The following DMRT1 variants were observed in gnomAD, a reference collection of about 807,000 sequenced individuals.
The protein encoded by DMRT1 is doublesex and mab-3 related transcription factor 1.
A neutral mutation model predicts 32.3 loss-of-function variants in DMRT1; 7 were observed. That is an observed-to-expected ratio of 0.22 (90% CI 0.12 to 0.41). The LOEUF (loss-of-function observed/expected upper bound fraction) is 0.41. Ranked by LOEUF, DMRT1 falls within the 10% of genes least tolerant of loss-of-function variation. DMRT1 has a pLI of 1.00. For missense variants in DMRT1, 625 were observed against 500.5 expected, an observed-to-expected ratio of 1.25 and a Z score of -2.37; for synonymous variants, 278 against 206.1, an observed-to-expected ratio of 1.35 and a Z score of -2.99.
intron 2 of DMRT1, among the ~76,000 whole-genome samples, chr9:851,093 G>C (rs1203780944): frequency 6.6e-6 from 1 of 151,516 alleles, no homozygotes. Context: ...TATGCAGTGA[G>C]AGGTGAAAGT....
At chr9:846,292 C>T (rs1838902050) in intron 1 of DMRT1, among the ~76,000 whole-genome samples, 1 of 152,124 alleles carries the variant, frequency 6.6e-6, no homozygotes, top group Non-Finnish European at 1.5e-5. Context: ...CTCTGCCTCC[C>T]AAAGTGCTGG....
At chr9:905,840 G>T (rs1488845317) in intron 3 of DMRT1, among the ~76,000 whole-genome samples, 2 of 152,156 alleles carry the variant, frequency 1.3e-5, no homozygotes, top group African/African-American at 4.8e-5. Flanking sequence ...TAGCTAGCTA[G>T]TACTGCACGG....
At chr9:877,521 G>C (rs1425703810) in intron 2 of DMRT1, among the ~76,000 whole-genome samples, 1 of 152,174 alleles carries the variant, frequency 6.6e-6, no homozygotes, top group Non-Finnish European at 1.5e-5. Flanking sequence ...TGTAGCACTA[G>C]ATGTCAATTC....
chr9:854,128 T>G (rs1481250563), intron 2 of DMRT1, among the ~76,000 whole-genome samples: 2 of 151,584 alleles, frequency 1.3e-5, no homozygotes, highest in African/African-American at 4.8e-5. Context: ...TTTTTTTAAT[T>G]TTTCAAGAGA....
chr9:947,687 G>A (rs550518769), intron 4 of DMRT1, among the ~76,000 whole-genome samples: 20 of 152,160 alleles, frequency 1.3e-4, no homozygotes, highest in African/African-American at 4.3e-4. Flanking sequence ...GCAGTGGCGC[G>A]ATCTCGGCTC....
chr9:905,221 T>C (rs1817726768), intron 3 of DMRT1, among the ~76,000 whole-genome samples: 1 of 152,202 alleles, frequency 6.6e-6, no homozygotes, highest in African/African-American at 2.4e-5. Flanking sequence ...CTCCTTGGTA[T>C]AGCATTGGCC....
intron 1 of DMRT1, 180 bp downstream of exon 1, chr9:842,372 C>T: frequency 1.3e-6 from 1 of 765,500 alleles, no homozygotes; most frequent in South Asian, 1.9e-5. Flanking sequence ...GTAGCTGGGA[C>T]TACAGGCGCA....
chr9:911,891 G>T lies in DMRT1; in HGVS notation c.823-4872G>T, dbSNP rs189401585. 6.6e-5 allele frequency among the ~76,000 whole-genome samples: 10 copies of T among 152,264 alleles called. No homozygotes were observed. The East Asian group carries it at 1.9e-3, about 29-fold the overall frequency. ...CTTATGAGCAAGTTGTCACGTGGAT[G>T]GGTTGTTTGTGGATTCTTTGAGGTG... On this transcript the variant is annotated intron_variant, in intron 3 of 4. Coordinates refer to ENST00000382276, the MANE Select transcript of DMRT1 (RefSeq NM_021951.3).
At chr9:930,556 C>G (rs942055290) in intron 4 of DMRT1, among the ~76,000 whole-genome samples, 1 of 151,954 alleles carries the variant, frequency 6.6e-6, no homozygotes, top group East Asian at 1.9e-4. Context: ...CTACAGGCGC[C>G]CGCCACCATG....
intron 4 of DMRT1, among the ~76,000 whole-genome samples, chr9:943,348 G>A (rs1193172386): frequency 6.6e-6 from 1 of 152,194 alleles, no homozygotes; most frequent in Non-Finnish European, 1.5e-5. Flanking sequence ...AGTAACAGGA[G>A]CCCTGGGGCA....
At chr9:872,744 T>C (rs529535841) in intron 2 of DMRT1, among the ~76,000 whole-genome samples, 2 of 152,366 alleles carry the variant, frequency 1.3e-5, no homozygotes, top group Admixed American at 1.3e-4. Flanking sequence ...ACATTTTATG[T>C]TCAAATTTTT....
intron 2 of DMRT1, among the ~76,000 whole-genome samples, chr9:862,126 A>G (rs7036702): frequency 0.35 from 44,795 of 127,504 alleles, 9,270 homozygotes; most frequent in Middle Eastern, 0.44. Context: ...CTGCAATCTC[A>G]GCACTTTGGG....
intron 2 of DMRT1, among the ~76,000 whole-genome samples, chr9:882,377 CTTG>C (rs996080004): frequency 3.3e-5 from 5 of 152,160 alleles, no homozygotes; most frequent in African/African-American, 9.7e-5. Flanking sequence ...CCTCGAAGCT[CTTG>C]TTGTGTGTCT....
At chr9:868,745 C>T (rs1318731022) in intron 2 of DMRT1, among the ~76,000 whole-genome samples, 1 of 152,186 alleles carries the variant, frequency 6.6e-6, no homozygotes, top group African/African-American at 2.4e-5. Flanking sequence ...CACGTTGGCT[C>T]ATGCCTATAA....
intron 2 of DMRT1, among the ~76,000 whole-genome samples, chr9:854,537 A>T (rs1236351597): frequency 1.3e-5 from 2 of 152,142 alleles, no homozygotes; most frequent in Non-Finnish European, 2.9e-5. Flanking sequence ...TAAAGAAGGA[A>T]ATACTTTATT....
rs1488334742 is a variant in DMRT1, at chr9:916,808, A to G, written c.868A>G (p.Met290Val). ...NRHAMSSQYR[M>V]HSYYPPPSYL... ...CCATGCAATGAGCTCCCAGTACAGG[A>G]TGCATTCTTACTACCCGCCTCCCTC... is the stretch of plus-strand genomic sequence containing the variant. Residue 290 changes from methionine to valine, a missense_variant, in exon 4 of 5, where the codon ATG becomes GTG. Physicochemically the swap from Met to Val is conservative, Grantham distance 21. This residue lies in a region of DMRT1 where 416 missense variants were observed against 321.6 expected (regional missense o/e 1.29). Transcript: ENST00000382276. 3 of 1,614,112 alleles carry G rather than the reference A, an allele frequency of 1.9e-6. No individual in the cohort carries two copies. Among genetic ancestry groups the G allele is most frequent in the East Asian group, 2.2e-5 (1 of 44,892 alleles).
At chr9:892,666 C>T (rs555602472) in intron 2 of DMRT1, among the ~76,000 whole-genome samples, 15 of 152,284 alleles carry the variant, frequency 9.9e-5, no homozygotes, top group African/African-American at 3.4e-4. Context: ...AAGCAGTTGC[C>T]CTTAGATAAA....
chr9:878,872 G>C (rs1434422626), intron 2 of DMRT1, among the ~76,000 whole-genome samples: 1 of 152,178 alleles, frequency 6.6e-6, no homozygotes, highest in Non-Finnish European at 1.5e-5. Context: ...GCTGGGACAT[G>C]CAAAACGTAT....
chr9:856,901 C>T (rs1485610896), intron 2 of DMRT1, among the ~76,000 whole-genome samples: 1 of 152,116 alleles, frequency 6.6e-6, no homozygotes, highest in African/African-American at 2.4e-5. Context: ...TTTTAAGTTA[C>T]AAGGGAAGAT....
Sources: allele counts gnomAD v4.1 joint callset (sites outside exome capture counted in the v4.1 genomes callset), GRCh38; gene constraint gnomAD v4.1.1; regional missense constraint gnomAD v4.1.1; transcripts MANE v1.5; gene names NCBI Gene and HGNC (gene_info 2026-07-23, HGNC 2026-07-21).